The following XKR6 variants were observed in gnomAD, a reference collection of about 807,000 sequenced individuals.
XKR6 encodes XK related 6, also known as XK-related protein 6.
Under a neutral mutation model 56.7 loss-of-function variants are expected in XKR6, and 22 were observed. The ratio of observed to expected loss-of-function variants is 0.39; its 90% CI spans 0.28 to 0.55. The LOEUF is 0.55. XKR6 is among the 20% of genes least tolerant of loss of function. The pLI, the probability that XKR6 is intolerant of heterozygous loss-of-function variation, is 0.66. For missense variants in XKR6, 852 were observed against 889.0 expected (o/e 0.96, Z 0.53); for synonymous variants, 524 against 387.8 (o/e 1.35, Z -4.13).
intron 1 of XKR6, among the ~76,000 whole-genome samples, chr8:11,000,172 C>A (rs1405229154): frequency 1.3e-5 from 2 of 152,104 alleles, no homozygotes; most frequent in African/African-American, 4.8e-5. Context: ...GACTTCCTCA[C>A]CCCTGGTCCT....
chr8:11,026,630 C>G (rs1287542269), intron 1 of XKR6, among the ~76,000 whole-genome samples: 1 of 151,340 alleles, frequency 6.6e-6, no homozygotes, highest in Non-Finnish European at 1.5e-5. Flanking sequence ...GTCTAGCCTA[C>G]TACACACCTA....
intron 1 of XKR6, among the ~76,000 whole-genome samples, chr8:11,093,370 A>C (rs1259178089): frequency 6.6e-6 from 1 of 152,074 alleles, no homozygotes; most frequent in Non-Finnish European, 1.5e-5. Flanking sequence ...CCAGCTTTCT[A>C]GCCCAGCTTT....
intron 1 of XKR6, among the ~76,000 whole-genome samples, chr8:10,961,663 G>A (rs995256522): frequency 6.6e-6 from 1 of 152,250 alleles, no homozygotes; most frequent in African/African-American, 2.4e-5. Flanking sequence ...TGGCAACACT[G>A]TGCACGGTCT....
chr8:11,052,496 T>A (rs531509986), intron 1 of XKR6, among the ~76,000 whole-genome samples: 1 of 152,274 alleles, frequency 6.6e-6, no homozygotes, highest in African/African-American at 2.4e-5. Flanking sequence ...GGCATGCAGA[T>A]GGCGCGAGGT....
intron 1 of XKR6, among the ~76,000 whole-genome samples, chr8:10,940,177 GAGGA>G (rs750388100): frequency 5.6e-4 from 86 of 152,316 alleles, no homozygotes; most frequent in Non-Finnish European, 1.1e-3. Context: ...GAAAGAAATG[GAGGA>G]AGGGAGAGGG....
At chr8:10,909,643 C>G (rs897843080) in intron 2 of XKR6, among the ~76,000 whole-genome samples, 1 of 152,194 alleles carries the variant, frequency 6.6e-6, no homozygotes, top group Non-Finnish European at 1.5e-5. Context: ...ATCCCCATTG[C>G]TAGCCGCCAT....
intron 1 of XKR6, chr8:11,124,402 T>C (rs1799651071): frequency 6.1e-6 from 1 of 163,992 alleles, no homozygotes. Context: ...ACATGGGATG[T>C]AACTGGCAGA....
chr8:10,942,057 T>C (rs1321044643), intron 1 of XKR6, among the ~76,000 whole-genome samples: 1 of 152,180 alleles, frequency 6.6e-6, no homozygotes, highest in Non-Finnish European at 1.5e-5. Flanking sequence ...GAGGGATTTT[T>C]ACTCAAACCA....
At chr8:11,078,919 G>A (rs977639846) in intron 1 of XKR6, among the ~76,000 whole-genome samples, 1 of 152,252 alleles carries the variant, frequency 6.6e-6, no homozygotes. Flanking sequence ...AGCCAACTTA[G>A]GCTGATGGCC....
At chr8:11,141,291 T>C (rs988833104) in intron 1 of XKR6, among the ~76,000 whole-genome samples, 2 of 152,074 alleles carry the variant, frequency 1.3e-5, no homozygotes, top group African/African-American at 4.8e-5. Context: ...CCCTCCAAAA[T>C]TCCTATGTTG....
intron 1 of XKR6, among the ~76,000 whole-genome samples, chr8:11,176,386 C>G (rs781123249): frequency 6.6e-6 from 1 of 152,034 alleles, no homozygotes; most frequent in Non-Finnish European, 1.5e-5. Context: ...AGATCTGTTA[C>G]GTGTACTATG....
intron 1 of XKR6, among the ~76,000 whole-genome samples, chr8:10,994,230 C>T (rs977723590): frequency 3.9e-5 from 6 of 152,250 alleles, no homozygotes; most frequent in Non-Finnish European, 8.8e-5. Flanking sequence ...TCTGAATCCA[C>T]CCTGAGCTTT....
chr8:11,023,807 C>A (rs112875474), intron 1 of XKR6, among the ~76,000 whole-genome samples: 1 of 152,224 alleles, frequency 6.6e-6, no homozygotes, highest in African/African-American at 2.4e-5. Context: ...GCTGACTGTC[C>A]CCTCCTGAAC....
intron 1 of XKR6, among the ~76,000 whole-genome samples, chr8:11,072,982 G>A (rs1008095231): frequency 2.6e-5 from 4 of 151,840 alleles, no homozygotes; most frequent in African/African-American, 7.3e-5. Flanking sequence ...CCTGGGAGGC[G>A]GAGGGTGCAG....
At chr8:10,903,874 T>G (rs1800111730) in intron 2 of XKR6, among the ~76,000 whole-genome samples, 1 of 152,198 alleles carries the variant, frequency 6.6e-6, no homozygotes, top group Non-Finnish European at 1.5e-5. Flanking sequence ...CTTCAAAGCT[T>G]GCTGTGTGTT....
At chr8:11,167,434 T>C (rs375120245) in intron 1 of XKR6, among the ~76,000 whole-genome samples, 1 of 152,178 alleles carries the variant, frequency 6.6e-6, no homozygotes, top group East Asian at 1.9e-4. Context: ...TTGACAAGGT[T>C]CATGCTTAAA....
At chr8:10,978,203 C>T (rs1046371987) in intron 1 of XKR6, among the ~76,000 whole-genome samples, 5 of 152,198 alleles carry the variant, frequency 3.3e-5, no homozygotes, top group Non-Finnish European at 5.9e-5. Context: ...AGAACAGATT[C>T]ATAGCAGAGA....
intron 1 of XKR6, among the ~76,000 whole-genome samples, chr8:11,086,682 C>T (rs761245253): frequency 1.2e-4 from 19 of 152,292 alleles, no homozygotes; most frequent in South Asian, 6.2e-4. Flanking sequence ...CCCCCAGCAG[C>T]GGGAGGAATA....
At chr8:11,143,468 T>C (rs888422066) in intron 1 of XKR6, among the ~76,000 whole-genome samples, 2 of 152,356 alleles carry the variant, frequency 1.3e-5, no homozygotes, top group East Asian at 1.9e-4. Context: ...CAGAGGAATA[T>C]GTTGAATTAC....
Sources: allele counts gnomAD v4.1 joint callset (sites outside exome capture counted in the v4.1 genomes callset), GRCh38; gene constraint gnomAD v4.1.1; transcripts MANE v1.5; gene names NCBI Gene and HGNC (gene_info 2026-07-23, HGNC 2026-07-21).